Variants in TTF2 observed in about 807,000 individuals in gnomAD.
The protein encoded by TTF2 is transcription termination factor 2.
A neutral mutation model predicts 142.4 loss-of-function variants in TTF2; 108 were observed. The ratio of observed to expected loss-of-function variants is 0.76; its 90% CI spans 0.65 to 0.89. The LOEUF is 0.89. Ranked by LOEUF, TTF2 falls within the 40% of genes least tolerant of loss-of-function variation. The pLI, the probability that TTF2 is intolerant of heterozygous loss-of-function variation, is 0.00. For missense variants in TTF2, 1,327 were observed against 1,379.8 expected, an observed-to-expected ratio of 0.96 and a Z score of 0.61; for synonymous variants, 483 against 506.2, an observed-to-expected ratio of 0.95 and a Z score of 0.61.
intron 4 of TTF2, 98 bp from the exon 5 acceptor site, chr1:117,074,772 C>A: frequency 8.7e-7 from 1 of 1,148,122 alleles, no homozygotes; most frequent in Non-Finnish European, 1.2e-6. Context: ...ATATGTACCC[C>A]CTGTATATAA....
In TTF2 at chr1:117,089,031, TTCA is replaced by T. The variant is rs750204555; in HGVS notation, c.2342+54_2342+56del. On this transcript the variant is annotated intron_variant, in intron 13 of 22. Transcript: ENST00000369466. ...TAAATATGAACCCTGTCTGTATCCC[TTCA>T]TCATTATTTCATGTCTCATAATAAA... is the stretch of plus-strand genomic sequence containing the variant. 16 of 1,519,594 alleles carry T rather than the reference TTCA, an allele frequency of 1.1e-5. No individual in the cohort carries two copies. In the African/African-American group the frequency reaches 2.1e-4, roughly 20 times the overall value. 94.1% of individuals were successfully genotyped at this position (1,519,594 alleles called of 1,614,324 possible).
At chr1:117,069,004 T>G (rs1656373426) in intron 3 of TTF2, among the ~76,000 whole-genome samples, 1 of 152,284 alleles carries the variant, frequency 6.6e-6, no homozygotes, top group African/African-American at 2.4e-5. Context: ...ATTCTTTATT[T>G]CTCAGCTTCA....
chr1:117,076,169 C>CT lies in TTF2; in HGVS notation c.1276-10dup, dbSNP rs747031258. 2.5e-6 allele frequency: 4 copies of CT among 1,610,662 alleles called. No individual in the cohort carries two copies. The East Asian group carries it at 8.9e-5, about 36-fold the overall frequency. On this transcript the variant is annotated splice_polypyrimidine_tract_variant and intron_variant, in intron 5 of 22. Transcript: ENST00000369466. The surrounding 1 kb of genome is among the most constrained non-coding windows in gnomAD (Gnocchi z 4.6). ...AGAGGAGAGATCCATTTGATGGAATCTGTTTTTCAGAGCACACTGGCATCA... is the reference window on the plus strand; with the variant it reads ...AGAGGAGAGATCCATTTGATGGAATCTTGTTTTTCAGAGCACACTGGCATCA...
Position 117,090,523 on chromosome 1 carries a change from T to G in TTF2, c.2497-9T>G. On this transcript the variant is annotated splice_polypyrimidine_tract_variant and intron_variant, in intron 14 of 22. Transcript: ENST00000369466. The surrounding 1 kb of genome is among the most constrained non-coding windows in gnomAD (Gnocchi z 4.8). ...AGCTTCATGCCAGCTTTTTTTTTTATTCTTCCAGGTGATACTGCCCCAGCG... is the reference window on the plus strand; with the variant it reads ...AGCTTCATGCCAGCTTTTTTTTTTAGTCTTCCAGGTGATACTGCCCCAGCG... The G allele has an allele frequency of 6.2e-7, 1 of 1,605,464 alleles. No individual in the cohort carries two copies. Among genetic ancestry groups the G allele is most frequent in the Non-Finnish European group, 8.5e-7 (1 of 1,176,858 alleles).
rs1431952328 is a variant in TTF2, at chr1:117,104,443, G to C, written c.*2919G>C. On this transcript the variant is annotated 3_prime_UTR_variant, in exon 23 of 23. Coordinates refer to ENST00000369466, the MANE Select transcript of TTF2 (RefSeq NM_003594.4). ...AATTCTTTCAGGTTCAAGCATTCTG[G>C]CTTTTAGTTTGGAGAGGGATGCAGG... The C allele has an allele frequency of 6.6e-6, 1 of 152,220 alleles. No homozygotes were observed. The highest frequency in any genetic ancestry group is 1.5e-5 in the Non-Finnish European group (1 of 68,040). The allele number at this position is 152,220 out of a possible 1,614,324, so 9.4% of individuals were successfully genotyped here. A position where few individuals can be genotyped will look rare whatever the true frequency, so the allele number is the denominator to read the frequency against.
At chr1:117,098,738 A>G in intron 21 of TTF2, 95 bp from the exon 22 acceptor site, 1 of 1,068,754 alleles carries the variant, frequency 9.4e-7, no homozygotes, top group East Asian at 2.6e-5. Context: ...TTAGCTACAA[A>G]AACAAGCTGT....
chr1:117,091,784 T>C (rs1353531246), intron 16 of TTF2, 33 bp from the exon 17 acceptor site: 1 of 1,608,028 alleles, frequency 6.2e-7, no homozygotes, highest in Non-Finnish European at 8.5e-7. Context: ...TTAAATCCTG[T>C]ACCATCCTGT....
chr1:117,097,263 T>C lies in TTF2; in HGVS notation c.3187-88T>C. The C allele has an allele frequency of 8.9e-7, 1 of 1,127,240 alleles. No homozygotes were observed. Among genetic ancestry groups the C allele is most frequent in the Non-Finnish European group, 1.4e-6 (1 of 738,920 alleles). 69.8% of individuals were successfully genotyped at this position (1,127,240 alleles called of 1,614,324 possible). ...AAATTTGATAGGAACACAGTGCTTATCTGTATTGATTGTGGACTTAAACCT... is the reference window on the plus strand; with the variant it reads ...AAATTTGATAGGAACACAGTGCTTACCTGTATTGATTGTGGACTTAAACCT... On this transcript the variant is annotated intron_variant, in intron 20 of 22. Transcript: ENST00000369466. This position sits in a 1 kb window ranked among gnomAD's most constrained non-coding sequence, Gnocchi z 4.1.
At chr1:117,081,744 T>C (rs1000818312) in intron 9 of TTF2, 84 bp from the exon 10 acceptor site, 1 of 1,513,672 alleles carries the variant, frequency 6.6e-7, no homozygotes, top group African/African-American at 1.4e-5. Flanking sequence ...TGGGGAAATG[T>C]CTGCCAGTGG....
In TTF2 at chr1:117,093,041, C is replaced by A. The variant is rs578136498; in HGVS notation, c.2976+140C>A. 1.3e-5 allele frequency: 12 copies of A among 926,084 alleles called. No individual in the cohort carries two copies. The Admixed American group carries it at 1.3e-4, about 10-fold the overall frequency. The allele number at this position is 926,084 out of a possible 1,614,324, so 57.4% of individuals were successfully genotyped here. A position where few individuals can be genotyped will look rare whatever the true frequency, so the allele number is the denominator to read the frequency against. On this transcript the variant is annotated intron_variant, in intron 18 of 22. Coordinates refer to ENST00000369466, the MANE Select transcript of TTF2 (RefSeq NM_003594.4). The surrounding 1 kb of genome is among the most constrained non-coding windows in gnomAD (Gnocchi z 4.5). ...CCGTTAAATTCTAGCTGATCAGATT[C>A]TCCCTCCAGTCTTAAAGCTTCATTT...
In TTF2 at chr1:117,075,565, A is replaced by G. The variant is rs1570815280; in HGVS notation, c.981A>G (p.Gly327=). The change falls in exon 5 of 23, where the codon GGA becomes GGG. Residue 327 remains glycine, a synonymous_variant. Coordinates refer to ENST00000369466, the MANE Select transcript of TTF2 (RefSeq NM_003594.4). The surrounding 1 kb of genome is among the most constrained non-coding windows in gnomAD (Gnocchi z 4.5). ...PETHSVPAPG[G]PAAQAAPAAP... ...CCCACAGTGTGCCTGCTCCTGGAGG[A>G]CCAGCGGCTCAGGCTGCACCAGCAG... 1.2e-6 allele frequency: 2 copies of G among 1,614,112 alleles called. No individual in the cohort carries two copies. Among genetic ancestry groups the G allele is most frequent in the Non-Finnish European group, 8.5e-7 (1 of 1,180,016 alleles).
In TTF2 at chr1:117,087,218, A is replaced by C. The variant is rs1648094559; in HGVS notation, c.2160+696A>C. ...ACCAACTCTGACTTATAGATGATGA[A>C]CTTTTCAGATTGCTCACTGGTTTTC... is the stretch of plus-strand genomic sequence containing the variant. On this transcript the variant is annotated intron_variant, in intron 12 of 22. Coordinates refer to ENST00000369466, the MANE Select transcript of TTF2 (RefSeq NM_003594.4). This position sits in a 1 kb window ranked among gnomAD's most constrained non-coding sequence, Gnocchi z 4.8. 6.6e-6 allele frequency among the ~76,000 whole-genome samples: 1 copy of C among 152,212 alleles called. No homozygotes were observed. The highest frequency in any genetic ancestry group is 1.5e-5 in the Non-Finnish European group (1 of 68,044).
intron 2 of TTF2, among the ~76,000 whole-genome samples, 153 bp from the exon 3 acceptor site, chr1:117,062,234 A>G (rs1358663736): frequency 6.6e-6 from 1 of 152,232 alleles, no homozygotes; most frequent in Non-Finnish European, 1.5e-5. Flanking sequence ...CCCCAAAGGA[A>G]TGCCCATAGC....
Position 117,086,616 on chromosome 1 carries a change from C to A in TTF2, c.2160+94C>A. 7.1e-6 allele frequency: 6 copies of A among 841,992 alleles called. No individual in the cohort carries two copies. Among genetic ancestry groups the A allele is most frequent in the Non-Finnish European group, 1.2e-5 (6 of 506,062 alleles). 52.2% of individuals were successfully genotyped at this position (841,992 alleles called of 1,614,324 possible). ...CCTCCACGATAGCAAGAGGACCTCC[C>A]TGGAGGTCAGGAATGCTGTAAATGA... On this transcript the variant is annotated intron_variant, in intron 12 of 22. Transcript: ENST00000369466. This position sits in a 1 kb window ranked among gnomAD's most constrained non-coding sequence, Gnocchi z 4.2.
intron 10 of TTF2, 71 bp from the exon 11 acceptor site, chr1:117,083,947 T>A (rs1647773747): frequency 6.4e-7 from 1 of 1,566,998 alleles, no homozygotes; most frequent in East Asian, 2.2e-5. Context: ...CGTGTCTCCA[T>A]ATATTAAAAA....
At position 117,067,524 on chromosome 1, in the gene TTF2, CAAAA is replaced by C. The variant is rs1161287519; in HGVS notation, c.218+5072_218+5075del. ...TGGATGACAGAGCAAGACTCAGTCT[CAAAA>C]AAAAAAAAAAAAAAAAAAAAGTTGT... On this transcript the variant is annotated intron_variant, in intron 3 of 22. Coordinates refer to ENST00000369466, the MANE Select transcript of TTF2 (RefSeq NM_003594.4). Among the ~76,000 whole-genome samples the C allele has an allele frequency of 2.6e-3, 105 of 40,950 alleles. 1 individual carries two copies. The South Asian group carries it at 0.074, about 29-fold the overall frequency. 26.9% of individuals were successfully genotyped at this position (40,950 alleles called of 152,430 possible). A position where few individuals can be genotyped will look rare whatever the true frequency, so the allele number is the denominator to read the frequency against.
rs1279891815 is a variant in TTF2, at chr1:117,080,186, T to C, written c.1783+537T>C. ...CACCACGCCTGGCTAATTTTTTGTATTTTTAGTAGAGATGGGGTTTCGCCA... is the reference window on the plus strand; with the variant it reads ...CACCACGCCTGGCTAATTTTTTGTACTTTTAGTAGAGATGGGGTTTCGCCA... On this transcript the variant is annotated intron_variant, in intron 9 of 22. Transcript: ENST00000369466. This position sits in a 1 kb window ranked among gnomAD's most constrained non-coding sequence, Gnocchi z 4.3. Among the ~76,000 whole-genome samples the C allele has an allele frequency of 1.2e-4, 19 of 152,218 alleles. No homozygotes were observed. Among genetic ancestry groups the C allele is most frequent in the African/African-American group, 4.6e-4 (19 of 41,526 alleles).
In TTF2 at chr1:117,070,923, C is replaced by T. The variant is rs1182287628; in HGVS notation, c.219-2738C>T. Among the ~76,000 whole-genome samples the T allele has an allele frequency of 6.6e-6, 1 of 151,908 alleles. No individual in the cohort carries two copies. Among genetic ancestry groups the T allele is most frequent in the African/African-American group, 2.4e-5 (1 of 41,356 alleles). ...AAGGGACCAGGACCTGCTCAGGACCCCTGAATTAGGATGCAGACTGTTGTG... is the reference window on the plus strand; with the variant it reads ...AAGGGACCAGGACCTGCTCAGGACCTCTGAATTAGGATGCAGACTGTTGTG... On this transcript the variant is annotated intron_variant, in intron 3 of 22. Coordinates refer to ENST00000369466, the MANE Select transcript of TTF2 (RefSeq NM_003594.4). The surrounding 1 kb of genome is among the most constrained non-coding windows in gnomAD (Gnocchi z 4.2).
intron 3 of TTF2, among the ~76,000 whole-genome samples, chr1:117,071,088 T>C (rs1656536105): frequency 1.3e-5 from 2 of 152,030 alleles, no homozygotes; most frequent in Admixed American, 1.3e-4. Flanking sequence ...AGATAACTAA[T>C]AAAGAAAATC....
Sources: gnomAD v4.1 joint callset for allele counts (sites outside exome capture counted in the v4.1 genomes callset) on GRCh38, gnomAD v4.1.1 for gene constraint, Gnocchi (gnomAD v3.1) non-coding constraint, MANE v1.5 for transcripts, NCBI Gene and HGNC (gene_info 2026-07-23, HGNC 2026-07-21) for gene names.